The following DLG2 variants were observed in gnomAD, a reference collection of about 807,000 sequenced individuals.
The protein encoded by DLG2 is disks large homolog 2.
DLG2 carries 45 observed loss-of-function variants against 132.5 expected under a neutral mutation model. That is an observed-to-expected ratio of 0.34 (90% CI 0.27 to 0.44). The LOEUF is 0.44. Among genes scored for constraint, DLG2 ranks in the 20% least tolerant of loss-of-function variants. DLG2 has a pLI of 1.00. For synonymous variants in DLG2, 424 were observed against 419.6 expected, an observed-to-expected ratio of 1.01 and a Z score of -0.13; for missense variants, 1,045 against 1,196.9, an observed-to-expected ratio of 0.87 and a Z score of 1.87.
intron 4 of DLG2, among the ~76,000 whole-genome samples, chr11:85,235,189 G>A (rs548353092): frequency 6.6e-6 from 1 of 151,828 alleles, no homozygotes; most frequent in Non-Finnish European, 1.5e-5. Flanking sequence ...GAAGTCATTA[G>A]CTGCAATTAA....
chr11:84,362,306 T>C (rs1188016864), intron 7 of DLG2, among the ~76,000 whole-genome samples: 1 of 151,942 alleles, frequency 6.6e-6, no homozygotes, highest in African/African-American at 2.4e-5. Flanking sequence ...AGTCTAATGG[T>C]AACTCTAAGA....
chr11:83,821,750 T>C (rs2050858582), intron 17 of DLG2, among the ~76,000 whole-genome samples: 3 of 152,198 alleles, frequency 2.0e-5, no homozygotes, highest in South Asian at 2.1e-4. Context: ...GTCACAGCCA[T>C]ACAGCCAAAG....
intron 17 of DLG2, among the ~76,000 whole-genome samples, chr11:83,800,236 C>A (rs2043991403): frequency 6.6e-6 from 1 of 152,116 alleles, no homozygotes; most frequent in South Asian, 2.1e-4. Context: ...TTTGAGAAGC[C>A]CCTTCATCTC....
chr11:84,643,706 G>T (rs753953274), intron 6 of DLG2, among the ~76,000 whole-genome samples: 4 of 152,148 alleles, frequency 2.6e-5, no homozygotes, highest in African/African-American at 9.7e-5. Flanking sequence ...CTTCTCTACA[G>T]AAGAATAGGT....
intron 3 of DLG2, among the ~76,000 whole-genome samples, chr11:85,578,872 C>T (rs2078330752): frequency 6.6e-6 from 1 of 152,166 alleles, no homozygotes. Flanking sequence ...GTAGCAATCT[C>T]ATTACTGGGT....
At chr11:85,354,250 T>C (rs1185359324) in intron 3 of DLG2, among the ~76,000 whole-genome samples, 1 of 152,126 alleles carries the variant, frequency 6.6e-6, no homozygotes, top group Non-Finnish European at 1.5e-5. Context: ...TTTCAAGACA[T>C]AACGTAAAAA....
chr11:84,897,458 C>T (rs1375005573), intron 6 of DLG2, among the ~76,000 whole-genome samples: 1 of 151,776 alleles, frequency 6.6e-6, no homozygotes, highest in Non-Finnish European at 1.5e-5. Flanking sequence ...TGTTTCTCTC[C>T]TATTCTCCCA....
At chr11:85,562,416 T>C (rs1477705664) in intron 3 of DLG2, among the ~76,000 whole-genome samples, 3 of 151,598 alleles carry the variant, frequency 2.0e-5, no homozygotes, top group East Asian at 1.9e-4. Flanking sequence ...AGCCAGAAAA[T>C]TTGCTACACT....
intron 19 of DLG2, among the ~76,000 whole-genome samples, chr11:83,567,262 A>G (rs2096724880): frequency 6.6e-6 from 1 of 152,196 alleles, no homozygotes. Flanking sequence ...TAGCCAAGTC[A>G]TGTTTTCTTT....
At chr11:83,870,700 G>C (rs1399498435) in intron 16 of DLG2, among the ~76,000 whole-genome samples, 1 of 151,830 alleles carries the variant, frequency 6.6e-6, no homozygotes, top group Non-Finnish European at 1.5e-5. Flanking sequence ...CTTTTTTTTG[G>C]TATTCAGCGG....
intron 4 of DLG2, among the ~76,000 whole-genome samples, chr11:85,250,564 T>C (rs1455803613): frequency 1.3e-5 from 2 of 152,194 alleles, no homozygotes; most frequent in Non-Finnish European, 2.9e-5. Context: ...TGCAAGAAGA[T>C]TATTATTCAC....
intron 6 of DLG2, among the ~76,000 whole-genome samples, chr11:84,768,507 T>C (rs1409540974): frequency 6.6e-6 from 1 of 152,184 alleles, no homozygotes; most frequent in Non-Finnish European, 1.5e-5. Context: ...ACTGCCTGAC[T>C]TGCCTACAGG....
chr11:83,626,592 TG>T (rs1211395678), intron 19 of DLG2, among the ~76,000 whole-genome samples: 1 of 152,180 alleles, frequency 6.6e-6, no homozygotes, highest in Non-Finnish European at 1.5e-5. Context: ...GTAGCAACTT[TG>T]AGTAACATAT....
chr11:85,406,093 C>A (rs1200559108), intron 3 of DLG2, among the ~76,000 whole-genome samples: 1 of 151,908 alleles, frequency 6.6e-6, no homozygotes, highest in East Asian at 1.9e-4. Flanking sequence ...ACAATTTATT[C>A]TTCAATTATA....
intron 6 of DLG2, among the ~76,000 whole-genome samples, chr11:84,813,641 A>T (rs2076806419): frequency 6.6e-6 from 1 of 152,146 alleles, no homozygotes; most frequent in Admixed American, 6.6e-5. Flanking sequence ...AATAACAGAT[A>T]TTGAGACAAC....
chr11:83,804,998 T>C (rs1334102063), intron 17 of DLG2, among the ~76,000 whole-genome samples: 5 of 152,146 alleles, frequency 3.3e-5, no homozygotes, highest in Non-Finnish European at 7.4e-5. Flanking sequence ...GCATTTTGAA[T>C]TTGTCTGATT....
intron 8 of DLG2, among the ~76,000 whole-genome samples, chr11:84,191,284 A>T (rs773444688): frequency 2.4e-4 from 36 of 152,186 alleles, no homozygotes; most frequent in Non-Finnish European, 1.2e-4. Flanking sequence ...ATTATTGTTC[A>T]TGTGACTTTG....
intron 3 of DLG2, among the ~76,000 whole-genome samples, chr11:85,563,371 T>C (rs981436496): frequency 1.3e-5 from 2 of 151,432 alleles, no homozygotes; most frequent in African/African-American, 4.8e-5. Context: ...AGCTTTTTCA[T>C]AGTAGCCTCC....
At chr11:84,670,837 GT>G (rs59822208) in intron 6 of DLG2, among the ~76,000 whole-genome samples, 8,716 of 151,912 alleles carry the variant, frequency 0.057, 843 homozygotes, top group African/African-American at 0.2. Context: ...AGCACCATTT[GT>G]TTTGACACTT....
Sources: gnomAD v4.1 joint callset for allele counts (sites outside exome capture counted in the v4.1 genomes callset) on GRCh38, gnomAD v4.1.1 for gene constraint, MANE v1.5 for transcripts, NCBI Gene and HGNC (gene_info 2026-07-23, HGNC 2026-07-21) for gene names.